The following TMEM108 variants were observed in gnomAD, a reference collection of about 807,000 sequenced individuals.
TMEM108 encodes the protein transmembrane protein 108.
TMEM108 carries 12 observed loss-of-function variants against 35.1 expected under a neutral mutation model. That is an observed-to-expected ratio of 0.34 (90% confidence interval 0.22 to 0.55). The LOEUF (loss-of-function observed/expected upper bound fraction) is 0.55. Ranked by LOEUF, TMEM108 falls within the 20% of genes least tolerant of loss-of-function variation. The pLI is 0.89. For missense variants in TMEM108, 680 were observed against 753.3 expected, an observed-to-expected ratio of 0.90 and a Z score of 1.14; for synonymous variants, 287 against 308.6, an observed-to-expected ratio of 0.93 and a Z score of 0.73.
intron 2 of TMEM108, among the ~76,000 whole-genome samples, chr3:133,215,567 G>T (rs556892911): frequency 8.5e-5 from 13 of 152,168 alleles, no homozygotes; most frequent in Non-Finnish European, 1.9e-4. Flanking sequence ...GGATTACAAA[G>T]AAATTTTAGG....
At chr3:133,350,862 C>T (rs2071974297) in intron 3 of TMEM108, among the ~76,000 whole-genome samples, 1 of 152,106 alleles carries the variant, frequency 6.6e-6, no homozygotes, top group Non-Finnish European at 1.5e-5. Flanking sequence ...GACCCTGGCC[C>T]TCTTCCTAGC....
At chr3:133,303,309 C>G (rs747317672) in intron 3 of TMEM108, 2 of 152,104 alleles carry the variant, frequency 1.3e-5, no homozygotes, top group African/African-American at 2.4e-5. Flanking sequence ...GTCAGGATCC[C>G]CACAGGGAGC....
rs187166665 is a variant in TMEM108 at position 133,380,320 on chromosome 3, C to T, written c.609C>T (p.Ser203=). The change falls in exon 4 of 6, where the codon AGC becomes AGT. Residue 203 remains serine (S), a synonymous_variant. Transcript: ENST00000321871. The surrounding 1 kb of genome is among the most constrained non-coding windows in gnomAD (Gnocchi z 5.3). ...AAGGACAGCGAGGACGAAATCCAAGCTCCACACCTCTGGGGCAGAAGCGGC... is the reference window on the plus strand; with the variant it reads ...AAGGACAGCGAGGACGAAATCCAAGTTCCACACCTCTGGGGCAGAAGCGGC... ...SKEGQRGRNP[S]STPLGQKRPL... 2.5e-6 allele frequency: 4 copies of T among 1,614,106 alleles called. No homozygotes were observed. In the African/African-American group the frequency reaches 4.0e-5, roughly 16 times the overall value.
chr3:133,086,489 A>G (rs190135591), intron 2 of TMEM108, among the ~76,000 whole-genome samples: 12 of 152,282 alleles, frequency 7.9e-5, no homozygotes. Flanking sequence ...CTTCATTTCT[A>G]TAAATATTTT....
intron 3 of TMEM108, among the ~76,000 whole-genome samples, chr3:133,256,020 C>G (rs1946541299): frequency 6.6e-6 from 1 of 151,928 alleles, no homozygotes; most frequent in African/African-American, 2.4e-5. Flanking sequence ...AAATAAACAA[C>G]AAGAACTGCA....
At chr3:133,198,755 T>A (rs992158976) in intron 2 of TMEM108, among the ~76,000 whole-genome samples, 1 of 152,242 alleles carries the variant, frequency 6.6e-6, no homozygotes, top group Non-Finnish European at 1.5e-5. Flanking sequence ...TCCTCTATTA[T>A]GTGTCTTGGC....
chr3:133,360,070 T>C (rs1424216745), intron 3 of TMEM108, among the ~76,000 whole-genome samples: 2 of 148,130 alleles, frequency 1.4e-5, no homozygotes, highest in African/African-American at 5.0e-5. Flanking sequence ...ATTTCGCAGA[T>C]GTTAGGCTTG....
At chr3:133,279,302 CT>C (rs1334750907) in intron 3 of TMEM108, among the ~76,000 whole-genome samples, 1 of 152,166 alleles carries the variant, frequency 6.6e-6, no homozygotes. Context: ...CCAAGTCCTG[CT>C]TTCTGTCTGG....
intron 3 of TMEM108, among the ~76,000 whole-genome samples, chr3:133,364,498 A>C (rs186301650): frequency 5.9e-4 from 90 of 152,358 alleles, no homozygotes; most frequent in African/African-American, 2.1e-3. Context: ...GAAATCGCCT[A>C]GTCATAATGA....
chr3:133,098,753 G>A (rs1202836240), intron 2 of TMEM108, among the ~76,000 whole-genome samples: 1 of 152,158 alleles, frequency 6.6e-6, no homozygotes, highest in Non-Finnish European at 1.5e-5. Flanking sequence ...GCTCCAAAAC[G>A]ATCTCCTTTG....
chr3:133,221,256 G>T (rs946849248), intron 2 of TMEM108, among the ~76,000 whole-genome samples: 5 of 152,040 alleles, frequency 3.3e-5, no homozygotes, highest in Non-Finnish European at 5.9e-5. Flanking sequence ...CTGGTGACCA[G>T]CCCCCACCCA....
intron 3 of TMEM108, among the ~76,000 whole-genome samples, chr3:133,263,546 A>G (rs1946654839): frequency 6.6e-6 from 1 of 152,200 alleles, no homozygotes. Flanking sequence ...TTGAGTGATA[A>G]TACTTAGAGA....
chr3:133,347,382 C>A (rs2071853186), intron 3 of TMEM108, among the ~76,000 whole-genome samples: 1 of 151,698 alleles, frequency 6.6e-6, no homozygotes, highest in Non-Finnish European at 1.5e-5. Flanking sequence ...TAAGTGTTTT[C>A]TTTCCTTCCT....
At chr3:133,389,564 A>C in intron 4 of TMEM108, 3 of 192,430 alleles carry the variant, frequency 1.6e-5, no homozygotes, top group Non-Finnish European at 2.9e-5. Context: ...GGCACCTGTA[A>C]TATCCCAGCT....
chr3:133,055,560 G>A (rs993432211), intron 2 of TMEM108, among the ~76,000 whole-genome samples: 1 of 152,208 alleles, frequency 6.6e-6, no homozygotes, highest in African/African-American at 2.4e-5. Context: ...GGTGGAGGCA[G>A]GACTTTGGAT....
At chr3:133,312,194 C>T (rs2071138496) in intron 3 of TMEM108, among the ~76,000 whole-genome samples, 1 of 152,214 alleles carries the variant, frequency 6.6e-6, no homozygotes, top group Non-Finnish European at 1.5e-5. Context: ...GGGTCAGGGA[C>T]CTACTTGAGG....
At chr3:133,233,215 G>A (rs1238739649) in intron 3 of TMEM108, among the ~76,000 whole-genome samples, 1 of 152,036 alleles carries the variant, frequency 6.6e-6, no homozygotes, top group Non-Finnish European at 1.5e-5. Flanking sequence ...ACAGTCCCCA[G>A]AGTGTGATGT....
At chr3:133,228,389 T>C (rs1946105136) in intron 2 of TMEM108, among the ~76,000 whole-genome samples, 1 of 152,210 alleles carries the variant, frequency 6.6e-6, no homozygotes, top group Non-Finnish European at 1.5e-5. Context: ...ATTATTAATT[T>C]CTTCCTTGGG....
At chr3:133,265,177 G>A (rs1313058766) in intron 3 of TMEM108, among the ~76,000 whole-genome samples, 1 of 152,194 alleles carries the variant, frequency 6.6e-6, no homozygotes, top group African/African-American at 2.4e-5. Context: ...AGATCTGCTA[G>A]GAATCATCAT....
Sources: gnomAD v4.1 joint callset for allele counts (sites outside exome capture counted in the v4.1 genomes callset) on GRCh38, gnomAD v4.1.1 for gene constraint, Gnocchi (gnomAD v3.1) non-coding constraint, MANE v1.5 for transcripts, NCBI Gene and HGNC (gene_info 2026-07-23, HGNC 2026-07-21) for gene names.